The following DPYD variants were observed in gnomAD, a reference collection of about 807,000 sequenced individuals.
DPYD encodes the protein dihydropyrimidine dehydrogenase [NADP(+)].
DPYD carries 109 observed loss-of-function variants against 116.2 expected under a neutral mutation model. The ratio of observed to expected loss-of-function variants is 0.94; its 90% confidence interval spans 0.80 to 1.10. The LOEUF is 1.10. Among genes scored for constraint, DPYD ranks in the 50% least tolerant of loss-of-function variants. The pLI, the probability that DPYD is intolerant of heterozygous loss-of-function variation, is 0.00. For missense variants in DPYD, 1,302 were observed against 1,254.5 expected (o/e 1.04, Z -0.57); for synonymous variants, 440 against 432.0 (o/e 1.02, Z -0.23).
intron 10 of DPYD, among the ~76,000 whole-genome samples, chr1:97,589,669 A>G (rs903019223): frequency 1.3e-5 from 2 of 152,242 alleles, no homozygotes; most frequent in African/African-American, 4.8e-5. Flanking sequence ...TCACTAAAGG[A>G]TAAGTAAACT....
chr1:97,845,324 C>G (rs1486673602), intron 2 of DPYD, among the ~76,000 whole-genome samples: 1 of 152,164 alleles, frequency 6.6e-6, no homozygotes, highest in African/African-American at 2.4e-5. Flanking sequence ...GAAGCCCATA[C>G]AAACTCTGGA....
chr1:97,711,639 T>C (rs1190052479), intron 5 of DPYD, among the ~76,000 whole-genome samples: 1 of 152,028 alleles, frequency 6.6e-6, no homozygotes, highest in Non-Finnish European at 1.5e-5. Flanking sequence ...CAGAAAAGTA[T>C]AGATTTCTTA....
intron 12 of DPYD, among the ~76,000 whole-genome samples, chr1:97,531,747 A>G (rs1477770036): frequency 6.6e-6 from 1 of 152,136 alleles, no homozygotes; most frequent in African/African-American, 2.4e-5. Context: ...AGTTTTTCCA[A>G]TCCAAGAATA....
At chr1:97,393,007 A>C (rs1273766298) in intron 14 of DPYD, among the ~76,000 whole-genome samples, 2 of 152,044 alleles carry the variant, frequency 1.3e-5, no homozygotes, top group East Asian at 3.9e-4. Flanking sequence ...TATCCAGACC[A>C]CTAAAATGTT....
At chr1:97,213,293 A>C (rs1168068111) in intron 19 of DPYD, among the ~76,000 whole-genome samples, 2 of 152,162 alleles carry the variant, frequency 1.3e-5, no homozygotes, top group African/African-American at 4.8e-5. Context: ...AAATTATTAC[A>C]ACTTTTAGCT....
chr1:97,397,592 G>C (rs1241575154), intron 14 of DPYD, among the ~76,000 whole-genome samples: 4 of 151,940 alleles, frequency 2.6e-5, no homozygotes, highest in Non-Finnish European at 5.9e-5. Flanking sequence ...GTCTTTTCCA[G>C]AATGTCATAT....
chr1:97,840,371 G>T (rs1480810892), intron 2 of DPYD, among the ~76,000 whole-genome samples: 1 of 151,998 alleles, frequency 6.6e-6, no homozygotes, highest in Non-Finnish European at 1.5e-5. Flanking sequence ...GGAAAATGGG[G>T]TTGTTATTCA....
intron 14 of DPYD, among the ~76,000 whole-genome samples, chr1:97,393,701 C>A (rs1387605891): frequency 6.6e-6 from 1 of 152,054 alleles, no homozygotes; most frequent in Non-Finnish European, 1.5e-5. Flanking sequence ...CATTGATGGA[C>A]ATTTGGGTTG....
intron 2 of DPYD, among the ~76,000 whole-genome samples, chr1:97,841,104 T>A (rs960003789): frequency 6.6e-6 from 1 of 152,088 alleles, no homozygotes; most frequent in Non-Finnish European, 1.5e-5. Context: ...CATGATTCAT[T>A]TTTTAAAAAA....
chr1:97,581,147 T>TACAACAACA (rs1210385210), intron 10 of DPYD, among the ~76,000 whole-genome samples: 4 of 140,360 alleles, frequency 2.8e-5, no homozygotes, highest in African/African-American at 1.0e-4. Context: ...CTATTAAAAA[T>TACAACAACA]GCAACAACAA....
chr1:97,657,122 T>C (rs1386187478), intron 8 of DPYD, among the ~76,000 whole-genome samples: 1 of 151,890 alleles, frequency 6.6e-6, no homozygotes, highest in Non-Finnish European at 1.5e-5. Flanking sequence ...TGCAAGCCAC[T>C]GCACCCAGCT....
chr1:97,108,694 T>C (rs1283274547), intron 20 of DPYD, among the ~76,000 whole-genome samples: 1 of 152,142 alleles, frequency 6.6e-6, no homozygotes, highest in Non-Finnish European at 1.5e-5. Context: ...ATTTTTTTAA[T>C]GAAAGCTATT....
intron 13 of DPYD, among the ~76,000 whole-genome samples, chr1:97,504,767 GTAT>G (rs1382304919): frequency 6.6e-6 from 1 of 151,454 alleles, no homozygotes; most frequent in Non-Finnish European, 1.5e-5. Context: ...GCTGAACAAT[GTAT>G]TACATTGCAA....
intron 20 of DPYD, among the ~76,000 whole-genome samples, chr1:97,133,230 T>C (rs527793631): frequency 6.6e-6 from 1 of 152,222 alleles, no homozygotes; most frequent in East Asian, 1.9e-4. Flanking sequence ...TTTTTGGATT[T>C]GGGTTATATA....
At chr1:97,600,886 G>A (rs988388714) in intron 8 of DPYD, among the ~76,000 whole-genome samples, 24 of 152,086 alleles carry the variant, frequency 1.6e-4, no homozygotes, top group African/African-American at 5.8e-4. Context: ...ACGAAACTTA[G>A]CATCTTTGGC....
intron 3 of DPYD, among the ~76,000 whole-genome samples, chr1:97,745,049 C>T (rs1179131906): frequency 6.6e-6 from 1 of 152,058 alleles, no homozygotes; most frequent in Admixed American, 6.6e-5. Context: ...CAATAATTAT[C>T]TGCCTATTTA....
intron 8 of DPYD, among the ~76,000 whole-genome samples, chr1:97,614,026 G>GA (rs1303276486): frequency 6.6e-6 from 1 of 151,986 alleles, no homozygotes; most frequent in Non-Finnish European, 1.5e-5. Context: ...TCAAGTAACT[G>GA]AAAAATTTTA....
intron 18 of DPYD, among the ~76,000 whole-genome samples, chr1:97,284,843 A>T (rs1254858219): frequency 6.6e-6 from 1 of 152,154 alleles, no homozygotes; most frequent in Non-Finnish European, 1.5e-5. Flanking sequence ...CTGTCACAAC[A>T]GCAATGTGTA....
intron 13 of DPYD, among the ~76,000 whole-genome samples, chr1:97,493,939 G>A (rs1373700728): frequency 6.6e-6 from 1 of 152,166 alleles, no homozygotes; most frequent in African/African-American, 2.4e-5. Context: ...AGTATCTGCT[G>A]TGTTCAAGGA....
Sources: gnomAD v4.1 joint callset for allele counts (sites outside exome capture counted in the v4.1 genomes callset) on GRCh38, gnomAD v4.1.1 for gene constraint, MANE v1.5 for transcripts, NCBI Gene and HGNC (gene_info 2026-07-23, HGNC 2026-07-21) for gene names.